The following SIK2 variants were observed in gnomAD, a reference collection of about 807,000 sequenced individuals.
SIK2 encodes salt inducible kinase 2, also known as serine/threonine-protein kinase SIK2.
Under a neutral mutation model 103.2 loss-of-function variants are expected in SIK2, and 29 were observed. The observed-to-expected ratio is 0.28, with a 90% CI of 0.21 to 0.38. The LOEUF is 0.38. Ranked by LOEUF, SIK2 falls within the 10% of genes least tolerant of loss-of-function variation. The pLI is 1.00. For synonymous variants in SIK2, 412 were observed against 446.1 expected (o/e 0.92, Z 0.96); for missense variants, 879 against 1,171.0 (o/e 0.75, Z 3.64).
intron 3 of SIK2, among the ~76,000 whole-genome samples, chr11:111,667,861 A>T (rs1278167033): frequency 6.6e-6 from 1 of 152,054 alleles, no homozygotes; most frequent in Non-Finnish European, 1.5e-5. Flanking sequence ...TCAGTGGTAG[A>T]TCTTGTGGCA....
intron 3 of SIK2, among the ~76,000 whole-genome samples, chr11:111,624,811 G>A (rs536227232): frequency 6.6e-6 from 1 of 152,326 alleles, no homozygotes; most frequent in South Asian, 2.1e-4. Context: ...AGTGGTCAGA[G>A]GCTGGTTGGT....
At chr11:111,625,263 A>G (rs1941946591) in intron 3 of SIK2, among the ~76,000 whole-genome samples, 1 of 152,194 alleles carries the variant, frequency 6.6e-6, no homozygotes, top group South Asian at 2.1e-4. Flanking sequence ...AGAATGGGAA[A>G]GGGTGGAGAC....
Position 111,720,738 on chromosome 11 carries a change from G to A in SIK2, c.1756G>A (p.Ala586Thr). 6.2e-7 allele frequency: 1 copy of A among 1,601,018 alleles called. No individual in the cohort carries two copies. Among genetic ancestry groups the A allele is most frequent in the Non-Finnish European group, 8.5e-7 (1 of 1,173,648 alleles). ...AGTGAGCTTCAGAGAGGGCCGCAGA[G>A]CATCAGATACCTCCCTCACCCAGGG... Reference protein sequence around the residue: ...SPVSFREGRRASDTSLTQGIV... With the variant: ...SPVSFREGRRTSDTSLTQGIV... The change falls in exon 11 of 15, where the codon GCA becomes ACA. Residue 586 changes from alanine to threonine, a missense_variant. Physicochemically the swap from Ala to Thr is moderately conservative, Grantham distance 58. Around this residue, in one of 7 missense-constraint regions of SIK2, gnomAD observed 8 missense variants for 31.8 expected, o/e 0.25. Coordinates refer to ENST00000304987, the MANE Select transcript of SIK2 (RefSeq NM_015191.3).
intron 1 of SIK2, among the ~76,000 whole-genome samples, chr11:111,615,302 A>AAG (rs1941790716): frequency 6.6e-6 from 1 of 151,498 alleles, no homozygotes; most frequent in Admixed American, 6.6e-5. Context: ...AAAAAAAAAA[A>AAG]AAGAAGAAAA....
At position 111,647,363 on chromosome 11, in the gene SIK2, A is replaced by C. The variant is rs532647428; in HGVS notation, c.316+26961A>C. On this transcript the variant is annotated intron_variant, in intron 3 of 14. Transcript: ENST00000304987. ...CAGACATATGACAGATTAAATCATC[A>C]ATCAGATTTTTTTATTTGAGTACTA... is the stretch of plus-strand genomic sequence containing the variant. Among the ~76,000 whole-genome samples, 12 of 152,300 alleles carry C rather than the reference A, an allele frequency of 7.9e-5. No individual in the cohort carries two copies. The South Asian group carries it at 2.3e-3, about 29-fold the overall frequency.
intron 4 of SIK2, among the ~76,000 whole-genome samples, chr11:111,694,677 CG>C (rs1943028751): frequency 6.6e-6 from 1 of 152,074 alleles, no homozygotes; most frequent in Non-Finnish European, 1.5e-5. Flanking sequence ...ACTAGCATTA[CG>C]TAAAAAGTAA....
chr11:111,715,636 C>G (rs1314010025), intron 9 of SIK2, among the ~76,000 whole-genome samples: 1 of 152,100 alleles, frequency 6.6e-6, no homozygotes, highest in Non-Finnish European at 1.5e-5. Flanking sequence ...ATGGTTGGAT[C>G]AGGTGTTCCA....
chr11:111,642,560 C>G (rs1190684925), intron 3 of SIK2, among the ~76,000 whole-genome samples: 1 of 152,178 alleles, frequency 6.6e-6, no homozygotes, highest in African/African-American at 2.4e-5. Flanking sequence ...TCAGTGTGTT[C>G]AACAACTTGG....
chr11:111,622,978 T>C (rs1417660673), intron 3 of SIK2, among the ~76,000 whole-genome samples: 1 of 152,224 alleles, frequency 6.6e-6, no homozygotes, highest in East Asian at 1.9e-4. Context: ...TCAGCCATTA[T>C]TTTCTAACTA....
intron 8 of SIK2, among the ~76,000 whole-genome samples, chr11:111,709,628 T>C (rs1943443635): frequency 6.6e-6 from 1 of 152,228 alleles, no homozygotes; most frequent in Non-Finnish European, 1.5e-5. Context: ...TGACCATCTA[T>C]TTATTTAATA....
intron 1 of SIK2, among the ~76,000 whole-genome samples, chr11:111,608,104 C>T (rs1241556610): frequency 6.6e-6 from 1 of 152,136 alleles, no homozygotes; most frequent in Non-Finnish European, 1.5e-5. Context: ...CTACCTTCCA[C>T]CTCCATCTTT....
chr11:111,687,245 G>A (rs919764549), intron 3 of SIK2, among the ~76,000 whole-genome samples: 8 of 151,936 alleles, frequency 5.3e-5, no homozygotes, highest in Non-Finnish European at 8.8e-5. Flanking sequence ...GGCTGGGCAC[G>A]GTGGCTCACA....
intron 1 of SIK2, among the ~76,000 whole-genome samples, chr11:111,606,974 T>C (rs542424): frequency 0.58 from 86,219 of 149,892 alleles, 28,732 homozygotes; most frequent in East Asian, 0.96. Flanking sequence ...AAAAAACTTA[T>C]AAATAAATGA....
intron 3 of SIK2, among the ~76,000 whole-genome samples, chr11:111,659,184 C>G (rs1591604435): frequency 6.6e-6 from 1 of 152,054 alleles, no homozygotes; most frequent in Non-Finnish European, 1.5e-5. Context: ...TCTTTAGTCT[C>G]TTATCTGTTA....
intron 3 of SIK2, among the ~76,000 whole-genome samples, chr11:111,628,578 A>C (rs1941997175): frequency 6.6e-6 from 1 of 151,870 alleles, no homozygotes; most frequent in African/African-American, 2.4e-5. Flanking sequence ...AGTGTGTGCC[A>C]CCATGCCAGG....
At chr11:111,684,700 G>GT in intron 3 of SIK2, among the ~76,000 whole-genome samples, 1 of 152,304 alleles carries the variant, frequency 6.6e-6, no homozygotes, top group South Asian at 2.1e-4. Flanking sequence ...TGCAGAGAAG[G>GT]CACATTGTCT....
At chr11:111,627,950 CTCTT>C (rs1941982961) in intron 3 of SIK2, among the ~76,000 whole-genome samples, 2 of 152,282 alleles carry the variant, frequency 1.3e-5, no homozygotes, top group East Asian at 1.9e-4. Flanking sequence ...TTACCATTCT[CTCTT>C]TCTTCTCTAG....
intron 3 of SIK2, among the ~76,000 whole-genome samples, chr11:111,634,220 A>T (rs1942076150): frequency 6.6e-6 from 1 of 152,162 alleles, no homozygotes; most frequent in African/African-American, 2.4e-5. Context: ...CAGTGGTAAC[A>T]TACTAGGATG....
At chr11:111,673,945 G>A (rs565536709) in intron 3 of SIK2, among the ~76,000 whole-genome samples, 9 of 151,942 alleles carry the variant, frequency 5.9e-5, no homozygotes, top group East Asian at 1.9e-4. Context: ...GTGGTGGCAC[G>A]CACCTGTAAT....
Sources: gnomAD v4.1 joint callset for allele counts (sites outside exome capture counted in the v4.1 genomes callset) on GRCh38, gnomAD v4.1.1 for gene constraint, gnomAD v4.1.1 regional missense constraint, MANE v1.5 for transcripts, NCBI Gene and HGNC (gene_info 2026-07-23, HGNC 2026-07-21) for gene names.